The following SMAP1 variants were observed in gnomAD, a reference collection of about 807,000 sequenced individuals.
SMAP1 encodes the protein small ArfGAP 1.
In SMAP1, 24 loss-of-function variants were observed where a neutral mutation model predicts 58.5. That is an observed-to-expected ratio of 0.41 (90% CI 0.30 to 0.58). SMAP1 has a LOEUF of 0.58. SMAP1 is among the 20% of genes least tolerant of loss of function. The pLI is 0.29. For missense variants in SMAP1, 563 were observed against 566.3 expected (o/e 0.99, Z 0.06); for synonymous variants, 216 against 196.6 (o/e 1.10, Z -0.82).
At chr6:70,764,180 A>G (rs746986671) in intron 3 of SMAP1, among the ~76,000 whole-genome samples, 1 of 151,914 alleles carries the variant, frequency 6.6e-6, no homozygotes, top group African/African-American at 2.4e-5. Context: ...TCAAAGTGCT[A>G]GAATTACACA....
chr6:70,809,884 G>T (rs1383273078), intron 6 of SMAP1, among the ~76,000 whole-genome samples: 1 of 152,108 alleles, frequency 6.6e-6, no homozygotes, highest in East Asian at 1.9e-4. Context: ...GGAAATAATA[G>T]ATTCAGTATC....
At chr6:70,783,451 A>G (rs1767854194) in intron 4 of SMAP1, among the ~76,000 whole-genome samples, 2 of 152,244 alleles carry the variant, frequency 1.3e-5, no homozygotes, top group Admixed American at 1.3e-4. Flanking sequence ...TGCTGGACAG[A>G]GAATGACTCT....
intron 1 of SMAP1, among the ~76,000 whole-genome samples, chr6:70,712,984 G>T (rs1323626390): frequency 1.3e-5 from 2 of 151,136 alleles, no homozygotes; most frequent in Non-Finnish European, 1.5e-5. Context: ...GTAGAGATGG[G>T]GTTTCACCAT....
At chr6:70,839,968 G>A (rs890452212) in intron 7 of SMAP1, among the ~76,000 whole-genome samples, 1 of 152,130 alleles carries the variant, frequency 6.6e-6, no homozygotes, top group Non-Finnish European at 1.5e-5. Context: ...TTGGGCCTCA[G>A]GCTATTTATC....
chr6:70,723,503 A>C (rs918127941), intron 1 of SMAP1, among the ~76,000 whole-genome samples: 1 of 152,136 alleles, frequency 6.6e-6, no homozygotes, highest in Non-Finnish European at 1.5e-5. Flanking sequence ...CACTGGTCAA[A>C]TAGAACTTCC....
At chr6:70,822,677 T>C (rs1769941269) in intron 6 of SMAP1, among the ~76,000 whole-genome samples, 1 of 152,184 alleles carries the variant, frequency 6.6e-6, no homozygotes, top group Non-Finnish European at 1.5e-5. Flanking sequence ...CCTGGATGTG[T>C]GGTTTTGTAT....
At chr6:70,769,416 C>A (rs958221373) in intron 3 of SMAP1, among the ~76,000 whole-genome samples, 1 of 152,118 alleles carries the variant, frequency 6.6e-6, no homozygotes, top group African/African-American at 2.4e-5. Context: ...TCAGGACTTG[C>A]TTTATGAATC....
chr6:70,759,202 C>A (rs560649487), intron 3 of SMAP1, among the ~76,000 whole-genome samples: 21 of 152,174 alleles, frequency 1.4e-4, no homozygotes, highest in Admixed American at 2.6e-4. Flanking sequence ...AAAAACAGCC[C>A]AGCATACAAA....
chr6:70,685,984 C>T (rs955748458), intron 1 of SMAP1, among the ~76,000 whole-genome samples: 1 of 152,124 alleles, frequency 6.6e-6, no homozygotes, highest in Non-Finnish European at 1.5e-5. Context: ...TGGCTCACTG[C>T]AGCCTCAAAC....
chr6:70,832,452 G>GT (rs1770400810), intron 6 of SMAP1, among the ~76,000 whole-genome samples: 1 of 152,174 alleles, frequency 6.6e-6, no homozygotes, highest in Non-Finnish European at 1.5e-5. Flanking sequence ...ATGTGTGTGT[G>GT]TATCTTTATT....
intron 7 of SMAP1, among the ~76,000 whole-genome samples, chr6:70,837,242 AAT>A (rs942573960): frequency 1.4e-4 from 22 of 152,196 alleles, no homozygotes; most frequent in African/African-American, 5.3e-4. Context: ...AAATACAAGT[AAT>A]GAGTTCTTTG....
chr6:70,790,151 ATTTTTTT>A (rs911264815), intron 4 of SMAP1, among the ~76,000 whole-genome samples: 1 of 151,516 alleles, frequency 6.6e-6, no homozygotes, highest in African/African-American at 2.4e-5. Flanking sequence ...TTTATTTTTT[ATTTTTTT>A]GAGACGGAGT....
rs1770589242 is a variant in SMAP1 at position 70,836,433 on chromosome 6, A to T, written c.577-508A>T. On this transcript the variant is annotated intron_variant, in intron 6 of 10. Transcript: ENST00000370455. ...ACATGGGAATTATGGGAGCTATAAG[A>T]TGAGATTTGGGTGGAGACACAGAAC... Among the ~76,000 whole-genome samples, 4 of 152,218 alleles carry T rather than the reference A, an allele frequency of 2.6e-5. No individual in the cohort carries two copies. In the South Asian group the frequency reaches 8.3e-4, roughly 31 times the overall value.
intron 5 of SMAP1, among the ~76,000 whole-genome samples, chr6:70,793,266 C>T (rs568625212): frequency 6.6e-6 from 1 of 152,252 alleles, no homozygotes; most frequent in East Asian, 1.9e-4. Context: ...ATCTCTTGGC[C>T]TTGTGATCCA....
At chr6:70,797,812 G>A (rs894739408) in intron 5 of SMAP1, among the ~76,000 whole-genome samples, 1 of 151,792 alleles carries the variant, frequency 6.6e-6, no homozygotes, top group African/African-American at 2.4e-5. Context: ...TTTTTTTGCT[G>A]CCAGGAAACT....
At chr6:70,821,879 A>G (rs1010979040) in intron 6 of SMAP1, among the ~76,000 whole-genome samples, 1 of 152,194 alleles carries the variant, frequency 6.6e-6, no homozygotes, top group African/African-American at 2.4e-5. Context: ...TTTAGGTTCT[A>G]TTACAGGCTT....
intron 1 of SMAP1, among the ~76,000 whole-genome samples, chr6:70,702,068 G>T (rs775609243): frequency 6.6e-6 from 1 of 152,118 alleles, no homozygotes; most frequent in African/African-American, 2.4e-5. Flanking sequence ...CGTTGATTTT[G>T]TGAGAAATCT....
chr6:70,830,968 G>C (rs146067572), intron 6 of SMAP1, among the ~76,000 whole-genome samples: 268 of 152,294 alleles, frequency 1.8e-3, no homozygotes, highest in Non-Finnish European at 2.9e-3. Context: ...TGTTGCTACA[G>C]ATACTGTAAT....
chr6:70,828,667 G>T (rs1770237795), intron 6 of SMAP1, among the ~76,000 whole-genome samples: 1 of 152,190 alleles, frequency 6.6e-6, no homozygotes, highest in Non-Finnish European at 1.5e-5. Flanking sequence ...CTTCCACATT[G>T]TGGAAATAGA....
Sources: gnomAD v4.1 joint callset for allele counts (sites outside exome capture counted in the v4.1 genomes callset) on GRCh38, gnomAD v4.1.1 for gene constraint, MANE v1.5 for transcripts, NCBI Gene and HGNC (gene_info 2026-07-23, HGNC 2026-07-21) for gene names.